The following COL21A1 variants were observed in gnomAD, a reference collection of about 807,000 sequenced individuals.
COL21A1 encodes the protein collagen type XXI alpha 1 chain.
COL21A1 carries 149 observed loss-of-function variants against 137.9 expected under a neutral mutation model. The ratio of observed to expected loss-of-function variants is 1.08; its 90% CI spans 0.95 to 1.24. The LOEUF is 1.24. Among genes scored for constraint, COL21A1 ranks in the 50% most tolerant of loss-of-function variants. The pLI is 0.00. For synonymous variants in COL21A1, 456 were observed against 391.5 expected, an observed-to-expected ratio of 1.16 and a Z score of -1.95; for missense variants, 1,167 against 1,158.4, an observed-to-expected ratio of 1.01 and a Z score of -0.11.
chr6:56,078,874 G>A (rs1042510099), intron 17 of COL21A1, among the ~76,000 whole-genome samples: 2 of 149,770 alleles, frequency 1.3e-5, no homozygotes, highest in Non-Finnish European at 3.0e-5. Flanking sequence ...AACGTAAGTA[G>A]AGAATAATAT....
chr6:56,086,813 T>C (rs763643112), intron 17 of COL21A1, among the ~76,000 whole-genome samples: 3 of 152,210 alleles, frequency 2.0e-5, no homozygotes, highest in Non-Finnish European at 2.9e-5. Flanking sequence ...TCAGTACCCA[T>C]ATCATAGAAG....
At chr6:56,150,514 TCACACACACACACACA>T (rs747022399) in intron 10 of COL21A1, among the ~76,000 whole-genome samples, 8 of 46,196 alleles carry the variant, frequency 1.7e-4, no homozygotes, top group Non-Finnish European at 2.4e-4. Flanking sequence ...CGAGACTCCA[TCACACACACACACACA>T]CACACACACA....
At chr6:56,170,283 A>C (rs1162420016) in intron 5 of COL21A1, among the ~76,000 whole-genome samples, 1 of 151,890 alleles carries the variant, frequency 6.6e-6, no homozygotes, top group Non-Finnish European at 1.5e-5. Flanking sequence ...CCAAAATTTA[A>C]TTCCTGATGT....
chr6:56,242,882 G>A (rs1259834476), intron 1 of COL21A1, among the ~76,000 whole-genome samples: 1 of 152,162 alleles, frequency 6.6e-6, no homozygotes, highest in Non-Finnish European at 1.5e-5. Context: ...TATAACTGTA[G>A]TATTCCAGTT....
chr6:56,281,665 T>C (rs1763788856), intron 1 of COL21A1, among the ~76,000 whole-genome samples: 1 of 152,226 alleles, frequency 6.6e-6, no homozygotes, highest in African/African-American at 2.4e-5. Context: ...AGCTTTGTGC[T>C]GCTAATCTGA....
At chr6:56,304,747 A>G (rs1037710842) in intron 1 of COL21A1, among the ~76,000 whole-genome samples, 7 of 151,832 alleles carry the variant, frequency 4.6e-5, no homozygotes, top group Admixed American at 2.0e-4. Flanking sequence ...TTCTGCTCTG[A>G]TCTTAGTTGT....
intron 1 of COL21A1, among the ~76,000 whole-genome samples, chr6:56,350,280 T>C (rs1582798518): frequency 6.6e-6 from 1 of 152,118 alleles, no homozygotes. Context: ...GATGATGGCA[T>C]GGGCAGGTGA....
Position 56,101,661 on chromosome 6 carries a change from A to T in COL21A1, c.1759-136T>A. ...TTAAAATTACTTCTGGACTACTGAT[A>T]TTAACTTTTCCTGACATCAAATAAC... On this transcript the variant is annotated intron_variant, in intron 16 of 29. Transcript: ENST00000244728. The T allele has an allele frequency of 9.0e-6, 6 of 668,186 alleles. No individual in the cohort carries two copies. In the South Asian group the frequency reaches 1.2e-4, roughly 14 times the overall value. 41.4% of individuals were successfully genotyped at this position (668,186 alleles called of 1,614,324 possible).
At chr6:56,115,928 CAGA>C (rs1771880391) in intron 16 of COL21A1, among the ~76,000 whole-genome samples, 3 of 151,760 alleles carry the variant, frequency 2.0e-5, no homozygotes, top group East Asian at 1.9e-4. Context: ...ATGAATCAAG[CAGA>C]AGAAGTAATT....
chr6:56,221,872 A>G (rs538305533), intron 1 of COL21A1, among the ~76,000 whole-genome samples: 1 of 152,282 alleles, frequency 6.6e-6, no homozygotes, highest in Admixed American at 6.5e-5. Context: ...AAGTATTGCC[A>G]AAAAACAATT....
intron 1 of COL21A1, among the ~76,000 whole-genome samples, chr6:56,313,867 C>T (rs2152340033): frequency 6.6e-6 from 1 of 152,296 alleles, no homozygotes; most frequent in South Asian, 2.1e-4. Flanking sequence ...TAAGAGAAAG[C>T]ACATGAGGTC....
chr6:56,215,804 A>T (rs1780444139), intron 1 of COL21A1, among the ~76,000 whole-genome samples: 1 of 152,110 alleles, frequency 6.6e-6, no homozygotes, highest in South Asian at 2.1e-4. Context: ...GTGGAAAAAC[A>T]AGTGATTGTT....
upstream of COL21A1, chr6:56,247,811 T>G (rs1319565551): frequency 6.5e-6 from 1 of 152,758 alleles, no homozygotes; most frequent in East Asian, 1.9e-4. Context: ...AGAGGCAAAA[T>G]AAGGGACTGC....
intron 1 of COL21A1, among the ~76,000 whole-genome samples, chr6:56,391,349 G>T (rs1001961029): frequency 2.6e-5 from 4 of 151,750 alleles, no homozygotes; most frequent in African/African-American, 7.3e-5. Flanking sequence ...CAAAAAAGCA[G>T]AAAAACTTCA....
At chr6:56,148,986 G>A (rs1322400251) in intron 10 of COL21A1, among the ~76,000 whole-genome samples, 1 of 152,182 alleles carries the variant, frequency 6.6e-6, no homozygotes, top group Non-Finnish European at 1.5e-5. Context: ...TCTCAATACA[G>A]ATGTTATGCA....
chr6:56,249,680 G>A (rs949881447), upstream of COL21A1, among the ~76,000 whole-genome samples: 35 of 152,304 alleles, frequency 2.3e-4, no homozygotes, highest in African/African-American at 8.2e-4. Flanking sequence ...ACTACTTGAA[G>A]TACGTAGTAA....
intron 15 of COL21A1, 50 bp from the exon 16 acceptor site, chr6:56,124,165 T>G (rs1234758954): frequency 2.6e-6 from 4 of 1,532,688 alleles, no homozygotes; most frequent in Non-Finnish European, 3.5e-6. Flanking sequence ...TAATTTTTTC[T>G]CTTTAAAGAC....
chr6:56,199,706 T>C (rs1343061296), intron 1 of COL21A1, among the ~76,000 whole-genome samples: 6 of 152,208 alleles, frequency 3.9e-5, no homozygotes, highest in Admixed American at 3.9e-4. Context: ...TTGGGTCATA[T>C]GGTTTGCCTC....
At chr6:56,378,974 T>G (rs887493950) in intron 1 of COL21A1, among the ~76,000 whole-genome samples, 21 of 152,198 alleles carry the variant, frequency 1.4e-4, no homozygotes, top group Admixed American at 6.5e-5. Flanking sequence ...TCCAAGACCA[T>G]CAAGGCAGTA....
Sources: allele counts gnomAD v4.1 joint callset (sites outside exome capture counted in the v4.1 genomes callset), GRCh38; gene constraint gnomAD v4.1.1; transcripts MANE v1.5; gene names NCBI Gene and HGNC (gene_info 2026-07-23, HGNC 2026-07-21).